Variants in GOLPH3 observed in about 807,000 individuals in gnomAD.
GOLPH3 encodes coat protein GPP34.
GOLPH3 carries 14 observed loss-of-function variants against 28.5 expected under a neutral mutation model. The observed-to-expected ratio is 0.49, with a 90% confidence interval of 0.32 to 0.77. GOLPH3 has a LOEUF of 0.77. Ranked by LOEUF, GOLPH3 falls within the 30% of genes least tolerant of loss-of-function variation. The pLI, the probability that GOLPH3 is intolerant of heterozygous loss-of-function variation, is 0.03. For synonymous variants in GOLPH3, 158 were observed against 159.2 expected, an observed-to-expected ratio of 0.99 and a Z score of 0.06; for missense variants, 350 against 393.7, an observed-to-expected ratio of 0.89 and a Z score of 0.94.
At chr5:32,134,277 C>T (rs891121792) in intron 3 of GOLPH3, among the ~76,000 whole-genome samples, 1 of 151,986 alleles carries the variant, frequency 6.6e-6, no homozygotes, top group Admixed American at 6.6e-5. Context: ...ATGATCTTGG[C>T]TCACTGCAAC....
chr5:32,125,323 A>AG lies in GOLPH3; in HGVS notation c.*888dup, dbSNP rs1745653998. 1 of 152,682 alleles carries AG rather than the reference A, an allele frequency of 6.5e-6. No homozygotes were observed. Among genetic ancestry groups the AG allele is most frequent in the Non-Finnish European group, 1.5e-5 (1 of 68,044 alleles). The allele number at this position is 152,682 out of a possible 1,614,324, so 9.5% of individuals were successfully genotyped here. ...GATAAAATTTAAAAAAAATCTAACA[A>AG]GGGGATGCATAGGCAAAGAGTACCA... On this transcript the variant is annotated 3_prime_UTR_variant, in exon 4 of 4. Coordinates refer to ENST00000265070, the MANE Select transcript of GOLPH3 (RefSeq NM_022130.4).
chr5:32,128,359 TA>T (rs1400896285), intron 3 of GOLPH3, among the ~76,000 whole-genome samples: 2 of 152,158 alleles, frequency 1.3e-5, no homozygotes, highest in Non-Finnish European at 2.9e-5. Context: ...AGACATGCCC[TA>T]ATAAAGATTA....
chr5:32,141,761 C>A (rs1209633601), intron 2 of GOLPH3, among the ~76,000 whole-genome samples: 1 of 152,192 alleles, frequency 6.6e-6, no homozygotes, highest in Admixed American at 6.5e-5. Flanking sequence ...GCCGCCACGC[C>A]TGACTGGTTT....
At chr5:32,161,031 C>A (rs1746561033) in intron 1 of GOLPH3, among the ~76,000 whole-genome samples, 1 of 128,936 alleles carries the variant, frequency 7.8e-6, no homozygotes, top group African/African-American at 3.1e-5. Context: ...CGCGCCACTG[C>A]ACTCCAGCCT....
intron 2 of GOLPH3, among the ~76,000 whole-genome samples, chr5:32,142,539 GC>G (rs1746094835): frequency 7.0e-6 from 1 of 143,430 alleles, no homozygotes. Context: ...CTGCCCGGCC[GC>G]CCCTACTGGG....
At chr5:32,135,136 A>C (rs1356654292) in intron 3 of GOLPH3, among the ~76,000 whole-genome samples, 2 of 152,170 alleles carry the variant, frequency 1.3e-5, no homozygotes, top group African/African-American at 4.8e-5. Context: ...TCCTCCTTTT[A>C]TTATAGTGAC....
At chr5:32,153,452 A>C (rs1581550028) in intron 1 of GOLPH3, among the ~76,000 whole-genome samples, 1 of 152,124 alleles carries the variant, frequency 6.6e-6, no homozygotes, top group Non-Finnish European at 1.5e-5. Flanking sequence ...GAATGAAAAC[A>C]ACCGTATACT....
At chr5:32,158,115 TAAATAAATAAATAAAATACAC>T (rs1561679026) in intron 1 of GOLPH3, among the ~76,000 whole-genome samples, 1 of 102,672 alleles carries the variant, frequency 9.7e-6, no homozygotes, top group African/African-American at 4.3e-5. Context: ...AATAAATAAA[TAAATAAATAAATAAAATACAC>T]ACACACACAC....
At chr5:32,153,976 T>TG (rs1415285739) in intron 1 of GOLPH3, among the ~76,000 whole-genome samples, 4 of 152,228 alleles carry the variant, frequency 2.6e-5, no homozygotes, top group Non-Finnish European at 5.9e-5. Flanking sequence ...CAGGACATTG[T>TG]GTTGGCCTTG....
intron 3 of GOLPH3, among the ~76,000 whole-genome samples, chr5:32,129,486 A>G (rs891687000): frequency 2.0e-4 from 30 of 152,224 alleles, no homozygotes; most frequent in Admixed American, 3.9e-4. Context: ...ACATTAGGAT[A>G]TACTTCTAAC....
At chr5:32,170,485 G>T (rs902502779) in intron 1 of GOLPH3, among the ~76,000 whole-genome samples, 1 of 152,176 alleles carries the variant, frequency 6.6e-6, no homozygotes, top group Non-Finnish European at 1.5e-5. Flanking sequence ...GATAAATGCT[G>T]AAGTAAAAAT....
At chr5:32,149,891 G>A (rs1432825745) in intron 1 of GOLPH3, among the ~76,000 whole-genome samples, 1 of 152,040 alleles carries the variant, frequency 6.6e-6, no homozygotes, top group Non-Finnish European at 1.5e-5. Flanking sequence ...CAGCTACTCG[G>A]GAGGCTGAGG....
rs563663241 is a variant in GOLPH3 at position 32,153,932 on chromosome 5, A to G, written c.226-10052T>C. 3.3e-5 allele frequency among the ~76,000 whole-genome samples: 5 copies of G among 152,338 alleles called. 1 individual carries two copies. In the South Asian group the frequency reaches 8.3e-4, roughly 25 times the overall value. ...GGATTCCTTGAAGGAATGACTGATT[A>G]TAAGTCTGAAACAGGAAATGTACGA... On this transcript the variant is annotated intron_variant, in intron 1 of 3. Transcript: ENST00000265070.
intron 3 of GOLPH3, 45 bp from the exon 4 acceptor site, chr5:32,126,681 C>A: frequency 6.6e-7 from 1 of 1,513,868 alleles, no homozygotes; most frequent in South Asian, 1.3e-5. Flanking sequence ...GTATTATCTG[C>A]TAATTTTGCA....
At chr5:32,149,663 A>C (rs1344816368) in intron 1 of GOLPH3, among the ~76,000 whole-genome samples, 1 of 152,234 alleles carries the variant, frequency 6.6e-6, no homozygotes, top group Non-Finnish European at 1.5e-5. Flanking sequence ...GATTAAAAAG[A>C]CTAGACAAGA....
rs1334218677 is a variant in GOLPH3 at position 32,166,768 on chromosome 5, T to C, written c.225+7042A>G. 7.3e-5 allele frequency among the ~76,000 whole-genome samples: 11 copies of C among 151,076 alleles called. No homozygotes were observed. In the East Asian group the frequency reaches 1.2e-3, roughly 16 times the overall value. ...GTTGCAGTGGGCCAAGACGGTGCCA[T>C]TGCACTTCAGCCCGAGTGATAAAAG... On this transcript the variant is annotated intron_variant, in intron 1 of 3. Coordinates refer to ENST00000265070, the MANE Select transcript of GOLPH3 (RefSeq NM_022130.4).
intron 1 of GOLPH3, among the ~76,000 whole-genome samples, chr5:32,167,252 A>C (rs1376804233): frequency 6.6e-6 from 1 of 151,994 alleles, no homozygotes; most frequent in African/African-American, 2.4e-5. Flanking sequence ...GCTCACTGCA[A>C]CCTCCGCCTC....
intron 1 of GOLPH3, among the ~76,000 whole-genome samples, chr5:32,161,363 C>T (rs1746572322): frequency 6.9e-6 from 1 of 145,040 alleles, no homozygotes; most frequent in Non-Finnish European, 1.5e-5. Context: ...GAGATCACAC[C>T]ACTGGACTCC....
chr5:32,131,054 A>G (rs1450979191), intron 3 of GOLPH3, among the ~76,000 whole-genome samples: 2 of 152,200 alleles, frequency 1.3e-5, no homozygotes, highest in African/African-American at 4.8e-5. Flanking sequence ...TTTCTGACTC[A>G]AAGGAAGCAA....
Sources: gnomAD v4.1 joint callset for allele counts (sites outside exome capture counted in the v4.1 genomes callset) on GRCh38, gnomAD v4.1.1 for gene constraint, MANE v1.5 for transcripts, NCBI Gene and HGNC (gene_info 2026-07-23, HGNC 2026-07-21) for gene names.